The following LDLRAD4 variants were observed in gnomAD, a reference collection of about 807,000 sequenced individuals.
LDLRAD4 encodes low density lipoprotein receptor class A domain containing 4.
LDLRAD4 carries 5 observed loss-of-function variants against 17.0 expected under a neutral mutation model. That is an observed-to-expected ratio of 0.29 (90% CI 0.15 to 0.62). LDLRAD4 has a LOEUF of 0.62. Ranked by LOEUF, LDLRAD4 falls within the 20% of genes least tolerant of loss-of-function variation. LDLRAD4 has a pLI of 0.84. For synonymous variants in LDLRAD4, 168 were observed against 171.8 expected (o/e 0.98, Z 0.17); for missense variants, 340 against 424.7 (o/e 0.80, Z 1.75).
chr18:13,470,732 G>T (rs1384660155), intron 3 of LDLRAD4: 4 of 151,528 alleles, frequency 2.6e-5, no homozygotes, highest in African/African-American at 4.9e-5. Flanking sequence ...AAGGGTGTCT[G>T]CTGGGGTCAG....
chr18:13,394,596 C>T (rs1203243499), intron 2 of LDLRAD4, among the ~76,000 whole-genome samples: 1 of 152,200 alleles, frequency 6.6e-6, no homozygotes, highest in East Asian at 1.9e-4. Context: ...TTTTCCAGCT[C>T]TTTTTATTTA....
At chr18:13,386,295 T>A (rs911196396) in intron 1 of LDLRAD4, among the ~76,000 whole-genome samples, 1 of 152,260 alleles carries the variant, frequency 6.6e-6, no homozygotes, top group Non-Finnish European at 1.5e-5. Flanking sequence ...TCTGTCATTC[T>A]TGTTAATATT....
intron 1 of LDLRAD4, among the ~76,000 whole-genome samples, chr18:13,230,908 G>A (rs1000491648): frequency 3.3e-5 from 5 of 152,218 alleles, no homozygotes; most frequent in African/African-American, 1.2e-4. Context: ...GAATACACCA[G>A]TTTGGTGATC....
At chr18:13,289,954 G>GTTCC (rs2045870070) in intron 1 of LDLRAD4, among the ~76,000 whole-genome samples, 1 of 152,224 alleles carries the variant, frequency 6.6e-6, no homozygotes. Context: ...CATTCTGGAT[G>GTTCC]TTCCGGTCAG....
intron 3 of LDLRAD4, among the ~76,000 whole-genome samples, chr18:13,608,246 G>A (rs2095243724): frequency 1.3e-5 from 2 of 152,104 alleles, no homozygotes; most frequent in South Asian, 4.2e-4. Context: ...AGTTAGAACG[G>A]CGATCACTAT....
intron 1 of LDLRAD4, among the ~76,000 whole-genome samples, chr18:13,307,608 G>A (rs1451438023): frequency 6.6e-6 from 1 of 151,892 alleles, no homozygotes; most frequent in South Asian, 2.1e-4. Flanking sequence ...TGAGGAGAAG[G>A]GGGTCTCACT....
At chr18:13,227,932 ACAGTT>A (rs1171044238) in intron 1 of LDLRAD4, among the ~76,000 whole-genome samples, 1 of 152,230 alleles carries the variant, frequency 6.6e-6, no homozygotes, top group African/African-American at 2.4e-5. Flanking sequence ...ACGTATCAGC[ACAGTT>A]CTGTGTTTTG....
intron 3 of LDLRAD4, among the ~76,000 whole-genome samples, chr18:13,496,364 G>A (rs1274613611): frequency 6.6e-6 from 1 of 152,156 alleles, no homozygotes; most frequent in Middle Eastern, 3.2e-3. Flanking sequence ...GATGACCCCA[G>A]TCTCTTCTTG....
chr18:13,518,810 T>C (rs543537330), intron 3 of LDLRAD4, among the ~76,000 whole-genome samples: 20 of 152,314 alleles, frequency 1.3e-4, no homozygotes, highest in Admixed American at 7.2e-4. Context: ...AACCTCCTTA[T>C]GGGCAGACTT....
At chr18:13,566,114 T>C (rs2094598079) in intron 3 of LDLRAD4, among the ~76,000 whole-genome samples, 4 of 152,160 alleles carry the variant, frequency 2.6e-5, no homozygotes, top group Admixed American at 2.6e-4. Context: ...AGAGGGCAGG[T>C]GTCTAACATG....
At chr18:13,566,348 A>G (rs901073536) in intron 3 of LDLRAD4, among the ~76,000 whole-genome samples, 3 of 148,840 alleles carry the variant, frequency 2.0e-5, no homozygotes, top group Admixed American at 6.8e-5. Context: ...TATATTTTCA[A>G]TAAAGAGCAT....
intron 3 of LDLRAD4, among the ~76,000 whole-genome samples, chr18:13,456,274 T>TC: frequency 6.6e-6 from 1 of 152,078 alleles, no homozygotes; most frequent in Non-Finnish European, 1.5e-5. Context: ...GTTAGCATGG[T>TC]CCCCCCGCCG....
exon 6 of LDLRAD4, chr18:13,650,500 C>T (rs1397412836): frequency 2.5e-6 from 1 of 397,352 alleles, no homozygotes; most frequent in African/African-American, 2.1e-5. Flanking sequence ...TTTTCAGCAA[C>T]TAAGGTGCCT....
chr18:13,355,462 A>T (rs2083282294), intron 1 of LDLRAD4, among the ~76,000 whole-genome samples: 1 of 152,236 alleles, frequency 6.6e-6, no homozygotes, highest in African/African-American at 2.4e-5. Flanking sequence ...TCAGTGGCTC[A>T]TTCACATAAA....
chr18:13,625,508 C>T (rs956883497), intron 4 of LDLRAD4, among the ~76,000 whole-genome samples: 2 of 152,168 alleles, frequency 1.3e-5, no homozygotes, highest in Admixed American at 6.5e-5. Flanking sequence ...CTTAACCAGA[C>T]AGCATCACTG....
At chr18:13,507,104 C>A (rs909452673) in intron 3 of LDLRAD4, among the ~76,000 whole-genome samples, 3 of 152,288 alleles carry the variant, frequency 2.0e-5, no homozygotes, top group Admixed American at 6.5e-5. Context: ...TTTTCAACTT[C>A]TTATTATATG....
At chr18:13,342,974 A>G (rs2144113147) in intron 1 of LDLRAD4, among the ~76,000 whole-genome samples, 1 of 152,046 alleles carries the variant, frequency 6.6e-6, no homozygotes, top group Non-Finnish European at 1.5e-5. Flanking sequence ...TTCTGTAATG[A>G]CATGTTTTGA....
At chr18:13,438,379 T>G (rs1456128098) in exon 3 of LDLRAD4, 2 of 1,613,760 alleles carry the variant, frequency 1.2e-6, no homozygotes, top group African/African-American at 1.3e-5. Flanking sequence ...CCGGGCATCT[T>G]CAACTGTAAG....
intron 2 of LDLRAD4, among the ~76,000 whole-genome samples, chr18:13,427,826 T>C (rs1451413312): frequency 6.6e-6 from 1 of 152,208 alleles, no homozygotes; most frequent in Non-Finnish European, 1.5e-5. Flanking sequence ...TATTATTTCC[T>C]TCTTTTATCT....
Sources: allele counts gnomAD v4.1 joint callset (sites outside exome capture counted in the v4.1 genomes callset), GRCh38; gene constraint gnomAD v4.1.1; transcripts MANE v1.5; gene names NCBI Gene and HGNC (gene_info 2026-07-23, HGNC 2026-07-21).